Variants in MAPK8IP1 observed in about 807,000 individuals in gnomAD.
MAPK8IP1 encodes mitogen-activated protein kinase 8 interacting protein 1, also known as C-Jun-amino-terminal kinase-interacting protein 1.
In MAPK8IP1, 17 loss-of-function variants were observed where a neutral mutation model predicts 72.6. The observed-to-expected ratio is 0.23, with a 90% confidence interval of 0.16 to 0.35. The LOEUF (loss-of-function observed/expected upper bound fraction) is 0.35, where lower values mean the gene tolerates loss of function less well. Ranked by LOEUF, MAPK8IP1 falls within the 10% of genes least tolerant of loss-of-function variation. MAPK8IP1 has a pLI of 1.00. For synonymous variants in MAPK8IP1, 401 were observed against 443.4 expected (o/e 0.90, Z 1.20); for missense variants, 789 against 1,009.7 (o/e 0.78, Z 2.96).
In MAPK8IP1 at chr11:45,891,751, A is replaced by G. The variant is rs76802440; in HGVS notation, c.101+5830A>G. On this transcript the variant is annotated intron_variant, in intron 1 of 11. Transcript: ENST00000241014. ...ATGCTGTCTTTTTGCTCATTTTATT[A>G]GTTGTCACCTTAATACACAGACTTT... 7.0e-3 allele frequency among the ~76,000 whole-genome samples: 1,066 copies of G among 152,306 alleles called. 15 individuals carry two copies. The highest frequency in any genetic ancestry group is 0.023 in the African/African-American group (949 of 41,556).
Position 45,904,218 on chromosome 11 carries a change from G to C in MAPK8IP1, c.1666+57G>C. On this transcript the variant is annotated intron_variant, in intron 7 of 11. Transcript: ENST00000241014. The surrounding 1 kb of genome is among the most constrained non-coding windows in gnomAD (Gnocchi z 6.4). ...CCACCACATCTGTCTGCCCCAACTTGCTGCTAGGTGAACGTGTACTCCAGA... is the reference window on the plus strand; with the variant it reads ...CCACCACATCTGTCTGCCCCAACTTCCTGCTAGGTGAACGTGTACTCCAGA... 1 of 1,564,748 alleles carries C rather than the reference G, an allele frequency of 6.4e-7. No homozygotes were observed. The highest frequency in any genetic ancestry group is 2.3e-5 in the East Asian group (1 of 43,306).
rs2086648807 is a variant in MAPK8IP1, at chr11:45,900,982, G to A, written c.522+530G>A. On this transcript the variant is annotated intron_variant, in intron 3 of 11. Transcript: ENST00000241014. This position sits in a 1 kb window ranked among gnomAD's most constrained non-coding sequence, Gnocchi z 6.5. ...CCCAGAAGGCAGGGGGGAGGAATGG[G>A]AGATGGAGCTGCTTGGCTAAGTTGG... Among the ~76,000 whole-genome samples, 2 of 152,130 alleles carry A rather than the reference G, an allele frequency of 1.3e-5. No homozygotes were observed. Among genetic ancestry groups the A allele is most frequent in the African/African-American group, 4.8e-5 (2 of 41,414 alleles).
intron 1 of MAPK8IP1, chr11:45,896,732 T>C: frequency 6.8e-7 from 1 of 1,461,084 alleles, no homozygotes; most frequent in Non-Finnish European, 9.0e-7. Flanking sequence ...TCCCCAGGCT[T>C]CTGCAGCAGG....
At position 45,900,096 on chromosome 11, in the gene MAPK8IP1, GC is replaced by G; in HGVS notation, c.208-38del. 8.6e-7 allele frequency: 1 copy of G among 1,157,908 alleles called. No individual in the cohort carries two copies. Among genetic ancestry groups the G allele is most frequent in the Non-Finnish European group, 1.1e-6 (1 of 934,522 alleles). 71.7% of individuals were successfully genotyped at this position (1,157,908 alleles called of 1,614,324 possible). A position where few individuals can be genotyped will look rare whatever the true frequency, so the allele number is the denominator to read the frequency against. Reference sequence around the variant, plus strand: ...GGGCGGTGCAAGCGGCCTCGGCCCCGCCCCGGCCCCGCCCCCTGACGCCCCT... The same window carrying G: ...GGGCGGTGCAAGCGGCCTCGGCCCCGCCCGGCCCCGCCCCCTGACGCCCCT... On this transcript the variant is annotated intron_variant, in intron 2 of 11. Transcript: ENST00000241014. The surrounding 1 kb of genome is among the most constrained non-coding windows in gnomAD (Gnocchi z 6.5).
chr11:45,905,009 C>G lies in MAPK8IP1; in HGVS notation c.1932C>G (p.Ile644Met). The G allele has an allele frequency of 6.2e-7, 1 of 1,614,176 alleles. No homozygotes were observed. The highest frequency in any genetic ancestry group is 8.5e-7 in the Non-Finnish European group (1 of 1,180,030). The change falls in exon 10 of 12, where the codon ATC (isoleucine) becomes ATG (methionine). Residue 644 changes from isoleucine to methionine, a missense_variant. By Grantham distance (10) the Ile-to-Met change is conservative. This residue lies in a region of MAPK8IP1 where 188 missense variants were observed against 293.3 expected (regional missense o/e 0.64). Transcript: ENST00000241014. ...KCSHFFQLKNISFCGYHPKNN... is the reference protein window; with the variant it reads ...KCSHFFQLKNMSFCGYHPKNN... ...GCCACTTTTTCCAGTTAAAAAACATCTCTTTCTGCGGATATCATCCAAAGA... is the reference window on the plus strand; with the variant it reads ...GCCACTTTTTCCAGTTAAAAAACATGTCTTTCTGCGGATATCATCCAAAGA...
At chr11:45,890,986 G>C (rs1160059055) in intron 1 of MAPK8IP1, among the ~76,000 whole-genome samples, 1 of 152,204 alleles carries the variant, frequency 6.6e-6, no homozygotes, top group Non-Finnish European at 1.5e-5. Context: ...CCATGTTTCG[G>C]TGGAGGTGGG....
rs2086669850 is a variant in MAPK8IP1 at position 45,903,046 on chromosome 11, A to G, written c.1279A>G (p.Ile427Val). 7 of 1,611,558 alleles carry G rather than the reference A, an allele frequency of 4.3e-6. No individual in the cohort carries two copies. The highest frequency in any genetic ancestry group is 5.9e-6 in the Non-Finnish European group (7 of 1,179,856). The change falls in exon 5 of 12, where the codon ATC (isoleucine) becomes GTC (valine). Residue 427 changes from isoleucine (I) to valine (V), a missense_variant. Ile to Val is a conservative substitution (Grantham distance 29). Around this residue, in one of 4 missense-constraint regions of MAPK8IP1, gnomAD observed 377 missense variants for 411.7 expected, o/e 0.92. Coordinates refer to ENST00000241014, the MANE Select transcript of MAPK8IP1 (RefSeq NM_005456.4). This position sits in a 1 kb window ranked among gnomAD's most constrained non-coding sequence, Gnocchi z 6.4. ...CGTCTCCTCGCCCTATGAGTCGGCC[A>G]TCGGAGAGGAATATGAGGAGGCCCC... ...ASVSSPYESA[I>V]GEEYEEAPRP... is the part of the protein sequence containing the mutation.
In MAPK8IP1 at chr11:45,900,034, C is replaced by T. The variant is rs1172247645; in HGVS notation, c.208-104C>T. Reference sequence around the variant, plus strand: ...CGGCCCCTGCTCGGCTCCCCTCGTGCCCCCTTCGCGCCACAGAATGGACTC... The same window carrying T: ...CGGCCCCTGCTCGGCTCCCCTCGTGTCCCCTTCGCGCCACAGAATGGACTC... On this transcript the variant is annotated intron_variant, in intron 2 of 11. Transcript: ENST00000241014. The surrounding 1 kb of genome is among the most constrained non-coding windows in gnomAD (Gnocchi z 6.5). 4 of 723,970 alleles carry T rather than the reference C, an allele frequency of 5.5e-6. No homozygotes were observed. 44.8% of individuals were successfully genotyped at this position (723,970 alleles called of 1,614,324 possible).
intron 1 of MAPK8IP1, among the ~76,000 whole-genome samples, chr11:45,886,285 G>A (rs1313908417): frequency 6.6e-6 from 1 of 152,238 alleles, no homozygotes; most frequent in African/African-American, 2.4e-5. Context: ...CTTAGCCTGT[G>A]AATAGAGCTG....
chr11:45,888,465 A>G (rs545728586), intron 1 of MAPK8IP1, among the ~76,000 whole-genome samples: 28 of 152,332 alleles, frequency 1.8e-4, no homozygotes, highest in African/African-American at 6.7e-4. Context: ...TGTAAGTGGC[A>G]GGCAGTCTGA....
In MAPK8IP1 at chr11:45,889,599, G is replaced by T. The variant is rs144341704; in HGVS notation, c.101+3678G>T. Reference sequence around the variant, plus strand: ...CAAAGGGGGTTTCATGGACAAGAAGGGAGCGAGCGGCCTGTCTGGGGTGTG... The same window carrying T: ...CAAAGGGGGTTTCATGGACAAGAAGTGAGCGAGCGGCCTGTCTGGGGTGTG... On this transcript the variant is annotated intron_variant, in intron 1 of 11. Coordinates refer to ENST00000241014, the MANE Select transcript of MAPK8IP1 (RefSeq NM_005456.4). Among the ~76,000 whole-genome samples, 191 of 152,260 alleles carry T rather than the reference G, an allele frequency of 1.3e-3. 3 individuals are homozygous for T. Among genetic ancestry groups the T allele is most frequent in the African/African-American group, 4.5e-3 (185 of 41,544 alleles).
chr11:45,904,754 C>G lies in MAPK8IP1; in HGVS notation c.1813C>G (p.Pro605Ala), dbSNP rs776306021. Residue 605 changes from proline to alanine, a missense_variant, in exon 9 of 12, where the codon CCG (proline) becomes GCG (alanine). Physicochemically the swap from Pro to Ala is conservative, Grantham distance 27 (BLOSUM62 -1). Coordinates refer to ENST00000241014, the MANE Select transcript of MAPK8IP1 (RefSeq NM_005456.4). The surrounding 1 kb of genome is among the most constrained non-coding windows in gnomAD (Gnocchi z 6.4). ...TTRRLTVHFN[P>A]PSSCVLEISV... ...CCGCCGGCTCACCGTGCACTTTAAC[C>G]CGCCCTCCAGCTGTGTCCTGGAGAT... 2 of 1,614,024 alleles carry G rather than the reference C, an allele frequency of 1.2e-6. No individual in the cohort carries two copies. The highest frequency in any genetic ancestry group is 1.1e-5 in the South Asian group (1 of 91,088).
intron 1 of MAPK8IP1, among the ~76,000 whole-genome samples, chr11:45,892,272 G>A (rs1244221262): frequency 6.6e-6 from 1 of 152,174 alleles, no homozygotes; most frequent in African/African-American, 2.4e-5. Flanking sequence ...CAGAGGACCT[G>A]ACATCCTAGC....
At position 45,903,632 on chromosome 11, in the gene MAPK8IP1, G is replaced by A. The variant is rs539205761; in HGVS notation, c.1493+192G>A. ...TGACAAAGAGGATGGCTACAGTGAGGGATCCCAGAACTGTGCACCTAGTCT... is the reference window on the plus strand; with the variant it reads ...TGACAAAGAGGATGGCTACAGTGAGAGATCCCAGAACTGTGCACCTAGTCT... On this transcript the variant is annotated intron_variant, in intron 6 of 11. Coordinates refer to ENST00000241014, the MANE Select transcript of MAPK8IP1 (RefSeq NM_005456.4). The surrounding 1 kb of genome is among the most constrained non-coding windows in gnomAD (Gnocchi z 6.4). Among the ~76,000 whole-genome samples the A allele has an allele frequency of 6.6e-6, 1 of 152,318 alleles. No individual in the cohort carries two copies. The highest frequency in any genetic ancestry group is 1.5e-5 in the Non-Finnish European group (1 of 68,020).
Position 45,903,603 on chromosome 11 carries a change from A to T in MAPK8IP1, c.1493+163A>T, listed in dbSNP as rs1350770650. On this transcript the variant is annotated intron_variant, in intron 6 of 11. Transcript: ENST00000241014. The surrounding 1 kb of genome is among the most constrained non-coding windows in gnomAD (Gnocchi z 6.4). Reference sequence around the variant, plus strand: ...TGTCCACTCTCTAGGGACTCAGAGTATGGTGACAAAGAGGATGGCTACAGT... The same window carrying T: ...TGTCCACTCTCTAGGGACTCAGAGTTTGGTGACAAAGAGGATGGCTACAGT... 6.6e-6 allele frequency among the ~76,000 whole-genome samples: 1 copy of T among 152,182 alleles called. No homozygotes were observed. Among genetic ancestry groups the T allele is most frequent in the African/African-American group, 2.4e-5 (1 of 41,458 alleles).
chr11:45,891,927 T>C (rs1221552963), intron 1 of MAPK8IP1, among the ~76,000 whole-genome samples: 3 of 152,180 alleles, frequency 2.0e-5, no homozygotes, highest in Admixed American at 6.5e-5. Flanking sequence ...CTCCAAACAA[T>C]GTGGGATTGT....
Position 45,900,507 on chromosome 11 carries a change from G to T in MAPK8IP1, c.522+55G>T. The T allele has an allele frequency of 6.6e-7, 1 of 1,517,036 alleles. No homozygotes were observed. The allele number at this position is 1,517,036 out of a possible 1,614,324, so 94.0% of individuals were successfully genotyped here. A position where few individuals can be genotyped will look rare whatever the true frequency, so the allele number is the denominator to read the frequency against. On this transcript the variant is annotated intron_variant, in intron 3 of 11. Transcript: ENST00000241014. This position sits in a 1 kb window ranked among gnomAD's most constrained non-coding sequence, Gnocchi z 6.5. ...TGGGCCGCCGCGGAGATGTGAGGGG[G>T]AGCGCAGAGGGGCTGCAGCGGGAAG...
chr11:45,905,176 C>T lies in MAPK8IP1; in HGVS notation c.1990C>T (p.Pro664Ser), dbSNP rs778375297. ...NKYFGFITKH[P>S]ADHRFACHVF... ...GTACTTTGGGTTCATCACCAAGCAC[C>T]CCGCCGACCACCGGTTTGCCTGCCA... The change falls in exon 11 of 12, where the codon CCC becomes TCC. Residue 664 changes from proline to serine, a missense_variant. Physicochemically the swap from Pro to Ser is moderately conservative, Grantham distance 74 (BLOSUM62 -1). Coordinates refer to ENST00000241014, the MANE Select transcript of MAPK8IP1 (RefSeq NM_005456.4). 3.7e-6 allele frequency: 6 copies of T among 1,613,234 alleles called. No individual in the cohort carries two copies. The highest frequency in any genetic ancestry group is 2.2e-5 in the East Asian group (1 of 44,852).
chr11:45,898,258 C>A, intron 2 of MAPK8IP1, 68 bp downstream of exon 2: 1 of 1,056,312 alleles, frequency 9.5e-7, no homozygotes, highest in Non-Finnish European at 1.5e-6. Flanking sequence ...GTAAGGGTAT[C>A]CCCATAGTGA....
Sources: gnomAD v4.1 joint callset for allele counts (sites outside exome capture counted in the v4.1 genomes callset) on GRCh38, gnomAD v4.1.1 for gene constraint, gnomAD v4.1.1 regional missense constraint, Gnocchi (gnomAD v3.1) non-coding constraint, MANE v1.5 for transcripts, NCBI Gene and HGNC (gene_info 2026-07-23, HGNC 2026-07-21) for gene names.